ABCA13: variants seen among roughly 807,000 people sequenced by gnomAD.
ABCA13 encodes ATP binding cassette subfamily A member 13.
A neutral mutation model predicts 478.7 loss-of-function variants in ABCA13; 476 were observed. The observed-to-expected ratio is 0.99, with a 90% CI of 0.92 to 1.07. The LOEUF is 1.07. ABCA13 is among the 50% of genes least tolerant of loss of function. The pLI, the probability that ABCA13 is intolerant of heterozygous loss-of-function variation, is 0.00. For missense variants in ABCA13, 6,060 were observed against 5,910.6 expected (o/e 1.03, Z -0.83); for synonymous variants, 2,252 against 2,158.9 (o/e 1.04, Z -1.20).
chr7:48,635,598 C>T (rs1794570640), intron 59 of ABCA13, among the ~76,000 whole-genome samples: 3 of 152,164 alleles, frequency 2.0e-5, no homozygotes. Context: ...AAAAAGGGCA[C>T]CATCACCTCT....
chr7:48,468,231 A>G (rs566049915), intron 44 of ABCA13, among the ~76,000 whole-genome samples: 1 of 152,238 alleles, frequency 6.6e-6, no homozygotes, highest in East Asian at 1.9e-4. Context: ...TTGGACACGT[A>G]TTTTACTTCC....
At chr7:48,290,642 T>A (rs1364738391) in intron 20 of ABCA13, among the ~76,000 whole-genome samples, 1 of 152,152 alleles carries the variant, frequency 6.6e-6, no homozygotes, top group African/African-American at 2.4e-5. Flanking sequence ...AGCAGGAATA[T>A]TATAAATGCA....
chr7:48,332,187 T>C (rs1271619350), intron 27 of ABCA13, among the ~76,000 whole-genome samples: 2 of 152,296 alleles, frequency 1.3e-5, no homozygotes, highest in East Asian at 1.9e-4. Context: ...GGCTATTGTG[T>C]CTTCTGTTTC....
intron 29 of ABCA13, among the ~76,000 whole-genome samples, chr7:48,341,199 A>G (rs17661752): frequency 0.13 from 19,479 of 152,020 alleles, 1,444 homozygotes; most frequent in East Asian, 0.32. Context: ...CTCTCTTGCT[A>G]CTACATGAAA....
chr7:48,422,546 GA>G (rs1248850759), intron 41 of ABCA13, among the ~76,000 whole-genome samples: 2 of 152,132 alleles, frequency 1.3e-5, no homozygotes, highest in African/African-American at 4.8e-5. Flanking sequence ...ATCAGACATT[GA>G]ATTTTTTTTC....
intron 21 of ABCA13, 107 bp downstream of exon 21, chr7:48,295,970 T>A: frequency 7.8e-7 from 1 of 1,275,898 alleles, no homozygotes; most frequent in Non-Finnish European, 1.0e-6. Flanking sequence ...TATAATATAC[T>A]CTTAATGTGC....
intron 52 of ABCA13, among the ~76,000 whole-genome samples, chr7:48,518,793 ACT>A (rs1436300682): frequency 6.6e-6 from 1 of 152,068 alleles, no homozygotes; most frequent in African/African-American, 2.4e-5. Flanking sequence ...TTCTCAGATC[ACT>A]CTTTTTCTTA....
chr7:48,580,552 C>T (rs547486182), intron 56 of ABCA13, among the ~76,000 whole-genome samples, 178 bp downstream of exon 56: 3 of 152,192 alleles, frequency 2.0e-5, no homozygotes, highest in African/African-American at 7.2e-5. Context: ...AATATATTTC[C>T]CTTATTTTAC....
chr7:48,479,272 C>CT (rs1183334708), intron 45 of ABCA13, among the ~76,000 whole-genome samples: 1 of 151,958 alleles, frequency 6.6e-6, no homozygotes, highest in Non-Finnish European at 1.5e-5. Flanking sequence ...GAGTCTCGCT[C>CT]TGTGGCCCAG....
At chr7:48,238,148 T>C (rs942832290) in intron 8 of ABCA13, among the ~76,000 whole-genome samples, 7 of 152,202 alleles carry the variant, frequency 4.6e-5, no homozygotes, top group Non-Finnish European at 1.0e-4. Flanking sequence ...TCTTGGTGTG[T>C]CCTCACGTGG....
intron 27 of ABCA13, among the ~76,000 whole-genome samples, chr7:48,317,880 C>A (rs1802823247): frequency 6.6e-6 from 1 of 152,170 alleles, no homozygotes; most frequent in Non-Finnish European, 1.5e-5. Flanking sequence ...CCTCTCTAAT[C>A]TATTTACTGC....
intron 48 of ABCA13, among the ~76,000 whole-genome samples, chr7:48,494,035 AG>A (rs1420059629): frequency 1.3e-5 from 2 of 152,146 alleles, no homozygotes; most frequent in Non-Finnish European, 2.9e-5. Context: ...GTGTCAGGGG[AG>A]GACTGTTCTG....
intron 21 of ABCA13, 97 bp downstream of exon 21, chr7:48,295,960 T>C (rs1482999785): frequency 7.2e-7 from 1 of 1,386,676 alleles, no homozygotes; most frequent in African/African-American, 1.4e-5. Context: ...CAGTGGTCTG[T>C]ATAATATACT....
intron 40 of ABCA13, among the ~76,000 whole-genome samples, chr7:48,410,977 CTCTT>C (rs551665857): frequency 0.14 from 14,308 of 104,460 alleles, 1,520 homozygotes; most frequent in South Asian, 0.17. Context: ...AAATTCTTTT[CTCTT>C]TCTTTCTTTC....
intron 59 of ABCA13, among the ~76,000 whole-genome samples, chr7:48,625,898 A>C (rs1212956239): frequency 6.6e-6 from 1 of 152,218 alleles, no homozygotes; most frequent in Non-Finnish European, 1.5e-5. Context: ...GACTCACATC[A>C]TGAGTCCTGT....
chr7:48,184,050 C>G (rs36136114), intron 1 of ABCA13, among the ~76,000 whole-genome samples: 58,375 of 152,018 alleles, frequency 0.38, 12,878 homozygotes, highest in Non-Finnish European at 0.5. Context: ...CCTTAGCTTA[C>G]TAATATTGTC....
In ABCA13 at chr7:48,319,349, G is replaced by A. The variant is rs566583217; in HGVS notation, c.9999+2053G>A. On this transcript the variant is annotated intron_variant, in intron 27 of 61. Coordinates refer to ENST00000435803, the MANE Select transcript of ABCA13 (RefSeq NM_152701.5). ...CTTTGCATGCAGGTATCCTGGTTTT[G>A]CACTTGTAAAGCTGATTTTATGGCA... 3.3e-5 allele frequency among the ~76,000 whole-genome samples: 5 copies of A among 152,310 alleles called. No individual in the cohort carries two copies. In the South Asian group the frequency reaches 8.3e-4, roughly 25 times the overall value.
Position 48,372,489 on chromosome 7 carries a change from A to G in ABCA13, c.11125A>G (p.Thr3709Ala). Reference sequence around the variant, plus strand: ...TAACCAATTAAGTTTTGTTAATCAGACATTTCTGGTAAGTAAGTTGTTTTG... The same window carrying G: ...TAACCAATTAAGTTTTGTTAATCAGGCATTTCTGGTAAGTAAGTTGTTTTG... ...LHNQLSFVNQ[T>A]FLCLLSTTAF... Residue 3709 changes from threonine to alanine, a missense_variant, in exon 33 of 62, where the codon ACA (threonine) becomes GCA (alanine). By Grantham distance (58) the Thr-to-Ala change is moderately conservative. Around this residue, in one of 3 missense-constraint regions of ABCA13, gnomAD observed 4,423 missense variants for 4,309.1 expected, o/e 1.03. Transcript: ENST00000435803. 2 of 1,553,786 alleles carry G rather than the reference A, an allele frequency of 1.3e-6. No homozygotes were observed. Among genetic ancestry groups the G allele is most frequent in the Non-Finnish European group, 1.7e-6 (2 of 1,146,776 alleles).
chr7:48,522,692 A>G (rs1045437586), intron 53 of ABCA13, among the ~76,000 whole-genome samples: 15 of 152,148 alleles, frequency 9.9e-5, no homozygotes, highest in Non-Finnish European at 1.8e-4. Context: ...AGCTCAGTCA[A>G]TTGTCTCCAC....
Sources: allele counts gnomAD v4.1 joint callset (sites outside exome capture counted in the v4.1 genomes callset), GRCh38; gene constraint gnomAD v4.1.1; regional missense constraint gnomAD v4.1.1; transcripts MANE v1.5; gene names NCBI Gene and HGNC (gene_info 2026-07-23, HGNC 2026-07-21).